Variants in TMEM106B observed in about 807,000 individuals in gnomAD.
The protein encoded by TMEM106B is transmembrane protein 106B.
A neutral mutation model predicts 31.1 loss-of-function variants in TMEM106B; 15 were observed. The observed-to-expected ratio is 0.48, with a 90% CI of 0.32 to 0.74. The LOEUF (loss-of-function observed/expected upper bound fraction) is 0.74. Among genes scored for constraint, TMEM106B ranks in the 30% least tolerant of loss-of-function variants. The pLI is 0.03. For missense variants in TMEM106B, 283 were observed against 327.3 expected, an observed-to-expected ratio of 0.86 and a Z score of 1.04; for synonymous variants, 126 against 112.5, an observed-to-expected ratio of 1.12 and a Z score of -0.76.
rs1054169 is a variant in TMEM106B, at chr7:12,233,870, G to T, written c.*1895G>T. On this transcript the variant is annotated 3_prime_UTR_variant, in exon 8 of 8. Transcript: ENST00000396668. The stretch of plus-strand genomic sequence containing the variant: ...AATTATGTGACTTCAAAAATCACCT[G>T]TATCTGTAGTAGGGCTTCCAAATCT... 6.6e-6 allele frequency: 1 copy of T among 151,074 alleles called. No homozygotes were observed. The highest frequency in any genetic ancestry group is 2.4e-5 in the African/African-American group (1 of 41,232). The allele number at this position is 151,074 out of a possible 1,614,324, so 9.4% of individuals were successfully genotyped here. A position where few individuals can be genotyped will look rare whatever the true frequency, so the allele number is the denominator to read the frequency against.
chr7:12,222,532 C>G (rs571742143), intron 3 of TMEM106B, among the ~76,000 whole-genome samples: 1 of 152,260 alleles, frequency 6.6e-6, no homozygotes, highest in East Asian at 1.9e-4. Flanking sequence ...AAATAAAACG[C>G]TGAAGTGTAG....
chr7:12,232,078 A>G lies in TMEM106B; in HGVS notation c.*103A>G, dbSNP rs1013473381. On this transcript the variant is annotated 3_prime_UTR_variant, in exon 8 of 8. Coordinates refer to ENST00000396668, the MANE Select transcript of TMEM106B (RefSeq NM_001134232.2). ...AGGAGACCTTAAATTGAACAAACCTAAAGTTTACACTTCTAAGAGTACAGT... is the reference window on the plus strand; with the variant it reads ...AGGAGACCTTAAATTGAACAAACCTGAAGTTTACACTTCTAAGAGTACAGT... The G allele has an allele frequency of 1.2e-5, 13 of 1,128,224 alleles. No individual in the cohort carries two copies. The highest frequency in any genetic ancestry group is 9.4e-5 in the South Asian group (5 of 53,340). 69.9% of individuals were successfully genotyped at this position (1,128,224 alleles called of 1,614,324 possible).
At chr7:12,218,176 C>G (rs1198941136) in intron 2 of TMEM106B, among the ~76,000 whole-genome samples, 2 of 151,428 alleles carry the variant, frequency 1.3e-5, no homozygotes, top group Non-Finnish European at 2.9e-5. Flanking sequence ...AAATTTAGCT[C>G]TTCTGAAAGC....
rs1488765622 is a variant in TMEM106B, at chr7:12,240,070, GTT to G, written c.*8096_*8097del. 6.6e-6 allele frequency: 1 copy of G among 151,882 alleles called. No individual in the cohort carries two copies. The highest frequency in any genetic ancestry group is 2.4e-5 in the African/African-American group (1 of 41,346). 9.4% of individuals were successfully genotyped at this position (151,882 alleles called of 1,614,324 possible). ...CTTCTTTTTTACTGAAAAAGCCCAA[GTT>G]CTTACTCTGGTGTTGAGAACCTTTC... On this transcript the variant is annotated 3_prime_UTR_variant, in exon 8 of 8. Transcript: ENST00000396668.
chr7:12,229,797 T>C lies in TMEM106B; in HGVS notation c.560T>C (p.Ile187Thr). The change falls in exon 5 of 8, where the codon ATT becomes ACT. Residue 187 changes from isoleucine to threonine, a missense_variant. Coordinates refer to ENST00000396668, the MANE Select transcript of TMEM106B (RefSeq NM_001134232.2). ...GKARLNNITI[I>T]GPLDMKQIDY... ...GCACGCTTAAACAACATAACCATTA[T>C]TGGTCCACTTGATATGAAACAAGTA... The C allele has an allele frequency of 1.9e-6, 3 of 1,603,204 alleles. No homozygotes were observed. The highest frequency in any genetic ancestry group is 1.1e-5 in the South Asian group (1 of 88,270).
rs1176461004 is a variant in TMEM106B, at chr7:12,235,515, A to G, written c.*3540A>G. On this transcript the variant is annotated 3_prime_UTR_variant, in exon 8 of 8. Coordinates refer to ENST00000396668, the MANE Select transcript of TMEM106B (RefSeq NM_001134232.2). Reference sequence around the variant, plus strand: ...TTTGGAAAGGACACCGCAATGTTCAAATAGGTAGGAGACCATCAAAAACAC... The same window carrying G: ...TTTGGAAAGGACACCGCAATGTTCAGATAGGTAGGAGACCATCAAAAACAC... 4 of 152,026 alleles carry G rather than the reference A, an allele frequency of 2.6e-5. No homozygotes were observed. In the South Asian group the frequency reaches 6.2e-4, roughly 24 times the overall value. 9.4% of individuals were successfully genotyped at this position (152,026 alleles called of 1,614,324 possible).
chr7:12,213,302 A>G (rs1399983299), intron 1 of TMEM106B, among the ~76,000 whole-genome samples: 1 of 152,084 alleles, frequency 6.6e-6, no homozygotes, highest in Non-Finnish European at 1.5e-5. Flanking sequence ...TGAAAAAAAA[A>G]CTGTGATTTT....
At chr7:12,228,363 GTAT>G (rs1272629454) in intron 4 of TMEM106B, among the ~76,000 whole-genome samples, 1 of 151,572 alleles carries the variant, frequency 6.6e-6, no homozygotes, top group African/African-American at 2.4e-5. Flanking sequence ...ATAAAAATCA[GTAT>G]TTTTAAAAAA....
chr7:12,235,559 G>A lies in TMEM106B; in HGVS notation c.*3584G>A, dbSNP rs1782115972. 4 of 151,874 alleles carry A rather than the reference G, an allele frequency of 2.6e-5. No individual in the cohort carries two copies. The highest frequency in any genetic ancestry group is 9.6e-5 in the African/African-American group (4 of 41,512). The allele number at this position is 151,874 out of a possible 1,614,324, so 9.4% of individuals were successfully genotyped here. A position where few individuals can be genotyped will look rare whatever the true frequency, so the allele number is the denominator to read the frequency against. On this transcript the variant is annotated 3_prime_UTR_variant, in exon 8 of 8. Coordinates refer to ENST00000396668, the MANE Select transcript of TMEM106B (RefSeq NM_001134232.2). ...AAAACACAATTAAAGTAACATATTA[G>A]GAGACTTGAAACTTCAGCCTAATAA...
Position 12,232,796 on chromosome 7 carries a change from A to G in TMEM106B, c.*821A>G, listed in dbSNP as rs1782051021. Reference sequence around the variant, plus strand: ...ACAACAAGTTTCTCATAAAAATACAATAAATAGGAAAATGAAATTCAGAAA... The same window carrying G: ...ACAACAAGTTTCTCATAAAAATACAGTAAATAGGAAAATGAAATTCAGAAA... On this transcript the variant is annotated 3_prime_UTR_variant, in exon 8 of 8. Transcript: ENST00000396668. 2 of 152,348 alleles carry G rather than the reference A, an allele frequency of 1.3e-5. No homozygotes were observed. The highest frequency in any genetic ancestry group is 4.8e-5 in the African/African-American group (2 of 41,444). The allele number at this position is 152,348 out of a possible 1,614,324, so 9.4% of individuals were successfully genotyped here.
At position 12,237,562 on chromosome 7, in the gene TMEM106B, G is replaced by A. The variant is rs1332577256; in HGVS notation, c.*5587G>A. On this transcript the variant is annotated 3_prime_UTR_variant, in exon 8 of 8. Coordinates refer to ENST00000396668, the MANE Select transcript of TMEM106B (RefSeq NM_001134232.2). ...CATATCGATAAAGTGATATAATCAA[G>A]CAAGTTACACACCTTTTTTTGGTTT... 3 of 152,066 alleles carry A rather than the reference G, an allele frequency of 2.0e-5. No homozygotes were observed. The highest frequency in any genetic ancestry group is 4.4e-5 in the Non-Finnish European group (3 of 68,016). 9.4% of individuals were successfully genotyped at this position (152,066 alleles called of 1,614,324 possible).
At chr7:12,211,948 TAATA>T (rs1395543243) in intron 1 of TMEM106B, among the ~76,000 whole-genome samples, 1 of 152,212 alleles carries the variant, frequency 6.6e-6, no homozygotes, top group Non-Finnish European at 1.5e-5. Flanking sequence ...GGAACCGCTA[TAATA>T]AATAACACTG....
At chr7:12,222,482 G>A (rs1022880039) in intron 3 of TMEM106B, among the ~76,000 whole-genome samples, 1 of 152,140 alleles carries the variant, frequency 6.6e-6, no homozygotes, top group Non-Finnish European at 1.5e-5. Context: ...AAGCCCTAAG[G>A]ACTAGATTAT....
chr7:12,231,677 T>G, intron 7 of TMEM106B, 160 bp from the exon 8 acceptor site: 1 of 561,522 alleles, frequency 1.8e-6, no homozygotes. Flanking sequence ...TGTTGTCTGT[T>G]GGGGAAATAC....
chr7:12,215,887 G>T, intron 2 of TMEM106B: 1 of 160,796 alleles, frequency 6.2e-6, no homozygotes. Context: ...AATCCCCTGT[G>T]TGCTGCTTGT....
At position 12,240,361 on chromosome 7, in the gene TMEM106B, C is replaced by T. The variant is rs1376249199; in HGVS notation, c.*8386C>T. 6.6e-6 allele frequency: 1 copy of T among 152,074 alleles called. No homozygotes were observed. Among genetic ancestry groups the T allele is most frequent in the Non-Finnish European group, 1.5e-5 (1 of 67,992 alleles). 9.4% of individuals were successfully genotyped at this position (152,074 alleles called of 1,614,324 possible). On this transcript the variant is annotated 3_prime_UTR_variant, in exon 8 of 8. Coordinates refer to ENST00000396668, the MANE Select transcript of TMEM106B (RefSeq NM_001134232.2). The stretch of plus-strand genomic sequence containing the variant: ...GGTGAACTTTTTCTGAATGTTTTTT[C>T]TGAATGTTTACTTTTAAAGGAGTTG...
At chr7:12,228,159 T>G (rs1223481902) in intron 4 of TMEM106B, among the ~76,000 whole-genome samples, 3 of 151,928 alleles carry the variant, frequency 2.0e-5, no homozygotes, top group African/African-American at 7.2e-5. Context: ...TTTTTGAAAT[T>G]TCTTTACATT....
At chr7:12,227,625 G>A (rs1781926882) in intron 4 of TMEM106B, among the ~76,000 whole-genome samples, 1 of 151,804 alleles carries the variant, frequency 6.6e-6, no homozygotes, top group Non-Finnish European at 1.5e-5. Context: ...CAAATATTAG[G>A]AAAACATCTT....
chr7:12,220,024 C>A (rs1781757111), intron 3 of TMEM106B, among the ~76,000 whole-genome samples: 1 of 152,124 alleles, frequency 6.6e-6, no homozygotes, highest in Non-Finnish European at 1.5e-5. Context: ...CTCCTAAATA[C>A]CTAGGCAAAA....
Sources: allele counts gnomAD v4.1 joint callset (sites outside exome capture counted in the v4.1 genomes callset), GRCh38; gene constraint gnomAD v4.1.1; transcripts MANE v1.5; gene names NCBI Gene and HGNC (gene_info 2026-07-23, HGNC 2026-07-21).